The following GNAS variants were observed in gnomAD, a reference collection of about 807,000 sequenced individuals.
GNAS encodes protein ALEX.
In GNAS, 8 loss-of-function variants were observed where a neutral mutation model predicts 54.5. The observed-to-expected ratio is 0.15, with a 90% confidence interval of 0.09 to 0.26. The LOEUF (loss-of-function observed/expected upper bound fraction) is 0.26. GNAS is among the 10% of genes least tolerant of loss of function. GNAS has a pLI of 1.00. For synonymous variants in GNAS, 204 were observed against 191.4 expected (o/e 1.07, Z -0.54); for missense variants, 170 against 529.8 (o/e 0.32, Z 6.67).
At chr20:58,887,186 A>G (rs2088649711), upstream of GNAS, among the ~76,000 whole-genome samples, 2 of 152,226 alleles carry the variant, frequency 1.3e-5, no homozygotes, top group South Asian at 4.1e-4. Flanking sequence ...CTCCTGGCAT[A>G]AGTATCTAGG....
chr20:58,853,390 G>A lies in GNAS; in HGVS notation c.43+12504G>A, dbSNP rs2086263103. 6 of 1,564,334 alleles carry A rather than the reference G, an allele frequency of 3.8e-6. No homozygotes were observed. Among genetic ancestry groups the A allele is most frequent in the Non-Finnish European group, 3.5e-6 (4 of 1,155,072 alleles). On this transcript the variant is annotated intron_variant, in intron 1 of 12. Transcript: ENST00000306090. This position sits in a 1 kb window ranked among gnomAD's most constrained non-coding sequence, Gnocchi z 4.4. ...CCAGGGGCAGCTGCCCCCGGTGCTG[G>A]GCCTAGCCCAGCCGAAGAGATGGAG...
intron 1 of GNAS, among the ~76,000 whole-genome samples, chr20:58,865,457 T>C (rs1346904377): frequency 6.8e-6 from 1 of 147,798 alleles, no homozygotes; most frequent in Non-Finnish European, 1.5e-5. Context: ...ATATTATATA[T>C]ATATCATATA....
rs1410403989 is a variant in GNAS at position 58,891,644 on chromosome 20, C to CCCCGGCCCT, written c.-74_-66dup. On this transcript the variant is annotated 5_prime_UTR_variant, in exon 1 of 13. Transcript: ENST00000371085. Reference sequence around the variant, plus strand: ...CGCCCGGCCCGCCCGCCCGGCGCTGCCCCGGCCCTCCCGGCCCGCGTGAGG... The same window carrying CCCCGGCCCT: ...CGCCCGGCCCGCCCGCCCGGCGCTGCCCCGGCCCTCCCGGCCCTCCCGGCCCGCGTGAGG... 2 of 970,440 alleles carry CCCCGGCCCT rather than the reference C, an allele frequency of 2.1e-6. No individual in the cohort carries two copies. The highest frequency in any genetic ancestry group is 4.7e-5 in the South Asian group (1 of 21,250). The allele number at this position is 970,440 out of a possible 1,614,324, so 60.1% of individuals were successfully genotyped here. A position where few individuals can be genotyped will look rare whatever the true frequency, so the allele number is the denominator to read the frequency against.
At chr20:58,868,724 C>G (rs754848591) in intron 1 of GNAS, among the ~76,000 whole-genome samples, 1 of 152,078 alleles carries the variant, frequency 6.6e-6, no homozygotes, top group Non-Finnish European at 1.5e-5. Flanking sequence ...TTTTCTCGCT[C>G]TCTCACTCTC....
At chr20:58,903,260 T>C (rs2090792555) in intron 3 of GNAS, 5 of 554,426 alleles carry the variant, frequency 9.0e-6, no homozygotes, top group Non-Finnish European at 1.3e-5. Context: ...CCATGAAAGA[T>C]TAAATGAGCT....
chr20:58,840,510 C>A, upstream of GNAS: 3 of 1,613,338 alleles, frequency 1.9e-6, no homozygotes, highest in Non-Finnish European at 2.5e-6. The surrounding 1 kb of genome is among the most constrained non-coding windows in gnomAD (Gnocchi z 6.0). Flanking sequence ...GCCCCCACCA[C>A]TGAGCCCGAG....
Position 58,840,904 on chromosome 20 carries a change from A to C in GNAS, c.43+18A>C. 1 of 1,611,726 alleles carries C rather than the reference A, an allele frequency of 6.2e-7. No individual in the cohort carries two copies. Among genetic ancestry groups the C allele is most frequent in the Non-Finnish European group, 8.5e-7 (1 of 1,179,464 alleles). On this transcript the variant is annotated intron_variant, in intron 1 of 12. Transcript: ENST00000306090. The surrounding 1 kb of genome is among the most constrained non-coding windows in gnomAD (Gnocchi z 6.0). ...GGATTCAGGTTAGTTGCCCACCGCT[A>C]AACTGGGGAGCCTGAGGGCGGTGTG...
At chr20:58,851,045 G>C (rs1462948355) in intron 1 of GNAS, 1 of 397,888 alleles carries the variant, frequency 2.5e-6, no homozygotes, top group Non-Finnish European at 4.4e-6. Context: ...GACCCAGTTG[G>C]GCCATTCAGT....
upstream of GNAS, among the ~76,000 whole-genome samples, chr20:58,889,985 G>A (rs1393813902): frequency 6.6e-6 from 1 of 151,308 alleles, no homozygotes; most frequent in Non-Finnish European, 1.5e-5. Flanking sequence ...CGGCGGCTGC[G>A]GCGTTGGCCG....
At chr20:58,894,271 A>C (rs1436855223) in intron 1 of GNAS, among the ~76,000 whole-genome samples, 1 of 152,230 alleles carries the variant, frequency 6.6e-6, no homozygotes, top group East Asian at 1.9e-4. Flanking sequence ...TGAAATTAGA[A>C]TATTAGAGAT....
At chr20:58,907,519 C>T (rs139762548) in intron 6 of GNAS, among the ~76,000 whole-genome samples, 225 of 152,318 alleles carry the variant, frequency 1.5e-3, no homozygotes, top group African/African-American at 5.2e-3. Context: ...TTAACCACCC[C>T]AGTTTTGAAT....
intron 1 of GNAS, among the ~76,000 whole-genome samples, chr20:58,844,815 AAAC>A (rs543894474): frequency 1.8e-4 from 27 of 152,146 alleles, no homozygotes; most frequent in Admixed American, 3.9e-4. Context: ...AAACAAAACA[AAAC>A]AACAACAACA....
chr20:58,855,115 G>C, intron 1 of GNAS: 1 of 1,613,742 alleles, frequency 6.2e-7, no homozygotes, highest in Non-Finnish European at 8.5e-7. Flanking sequence ...CAAGCCTTCG[G>C]GGGCTGCTTC....
At chr20:58,851,220 G>A (rs377407176) in intron 1 of GNAS, among the ~76,000 whole-genome samples, 2 of 152,206 alleles carry the variant, frequency 1.3e-5, no homozygotes, top group Non-Finnish European at 2.9e-5. Context: ...GCCTCCTTCC[G>A]TGCTGCGTGG....
At chr20:58,906,589 T>C (rs1469312033) in intron 6 of GNAS, among the ~76,000 whole-genome samples, 2 of 152,188 alleles carry the variant, frequency 1.3e-5, no homozygotes, top group East Asian at 3.9e-4. Context: ...TGGAGTGCAG[T>C]GGTGCGACCT....
intron 1 of GNAS, among the ~76,000 whole-genome samples, chr20:58,844,655 G>A (rs894727299): frequency 6.7e-6 from 1 of 148,386 alleles, no homozygotes; most frequent in African/African-American, 2.5e-5. Context: ...TAAGAAGCCT[G>A]GGGTTGTCCA....
At position 58,841,658 on chromosome 20, in the gene GNAS, G is replaced by T. The variant is rs1173163091; in HGVS notation, c.43+772G>T. On this transcript the variant is annotated intron_variant, in intron 1 of 12. Transcript: ENST00000306090. The surrounding 1 kb of genome is among the most constrained non-coding windows in gnomAD (Gnocchi z 5.0). ...CCTCTCCCGGCGGCGGGCGGTTAGG[G>T]GAAAGTACCTGGGGGAAAGGTAGAG... 1 of 1,141,716 alleles carries T rather than the reference G, an allele frequency of 8.8e-7. No individual in the cohort carries two copies. The highest frequency in any genetic ancestry group is 1.1e-6 in the Non-Finnish European group (1 of 930,430). 70.7% of individuals were successfully genotyped at this position (1,141,716 alleles called of 1,614,324 possible).
intron 1 of GNAS, chr20:58,854,290 C>A: frequency 6.2e-7 from 1 of 1,608,518 alleles, no homozygotes; most frequent in South Asian, 1.1e-5. Flanking sequence ...GTCTCCGGAG[C>A]CCCAGATAAG....
Position 58,853,145 on chromosome 20 carries a change from G to C in GNAS, c.43+12259G>C, listed in dbSNP as rs370686819. 9.5e-5 allele frequency: 136 copies of C among 1,434,404 alleles called. No individual in the cohort carries two copies. The highest frequency in any genetic ancestry group is 5.0e-4 in the Middle Eastern group (2 of 3,994). 88.9% of individuals were successfully genotyped at this position (1,434,404 alleles called of 1,614,324 possible). On this transcript the variant is annotated intron_variant, in intron 1 of 12. Transcript: ENST00000306090. The surrounding 1 kb of genome is among the most constrained non-coding windows in gnomAD (Gnocchi z 4.4). ...CTCACAAGGGTTGGAAAGTGAGGCC[G>C]GTGAACTTTCCAGCTGGTACTTTGA...
Sources: allele counts gnomAD v4.1 joint callset (sites outside exome capture counted in the v4.1 genomes callset), GRCh38; gene constraint gnomAD v4.1.1; non-coding constraint Gnocchi (gnomAD v3.1); transcripts MANE v1.5; gene names NCBI Gene and HGNC (gene_info 2026-07-23, HGNC 2026-07-21).